Variants in PAPSS1 observed in about 807,000 individuals in gnomAD.
PAPSS1 encodes 3'-phosphoadenosine 5'-phosphosulfate synthase 1.
Under a neutral mutation model 72.0 loss-of-function variants are expected in PAPSS1, and 50 were observed. The ratio of observed to expected loss-of-function variants is 0.69; its 90% CI spans 0.55 to 0.88. PAPSS1 has a LOEUF of 0.88. Among genes scored for constraint, PAPSS1 ranks in the 40% least tolerant of loss-of-function variants. PAPSS1 has a pLI of 0.00. For missense variants in PAPSS1, 657 were observed against 782.2 expected, an observed-to-expected ratio of 0.84 and a Z score of 1.91; for synonymous variants, 261 against 263.6, an observed-to-expected ratio of 0.99 and a Z score of 0.09.
At chr4:107,688,716 T>C (rs2110340144) in intron 3 of PAPSS1, among the ~76,000 whole-genome samples, 1 of 152,240 alleles carries the variant, frequency 6.6e-6, no homozygotes, top group South Asian at 2.1e-4. Flanking sequence ...TGAGCGTTTC[T>C]CTCAAGTGCC....
intron 1 of PAPSS1, among the ~76,000 whole-genome samples, chr4:107,702,378 ACAG>A (rs1578433110): frequency 6.6e-6 from 1 of 152,228 alleles, no homozygotes; most frequent in Non-Finnish European, 1.5e-5. Flanking sequence ...ACATATGTCC[ACAG>A]CAGCATTTTC....
At chr4:107,622,808 T>C (rs1345252501) in intron 11 of PAPSS1, among the ~76,000 whole-genome samples, 1 of 152,250 alleles carries the variant, frequency 6.6e-6, no homozygotes, top group African/African-American at 2.4e-5. Context: ...AACCCTTCAC[T>C]AATTCCATCA....
In PAPSS1 at chr4:107,693,855, AT is replaced by A; in HGVS notation, c.326del (p.Asn109MetfsTer17). The A allele has an allele frequency of 6.2e-7, 1 of 1,613,940 alleles. No individual in the cohort carries two copies. Among genetic ancestry groups the A allele is most frequent in the African/African-American group, 1.3e-5 (1 of 75,036 alleles). On this transcript the variant is annotated frameshift_variant, in exon 3 of 12. Coordinates refer to ENST00000265174, the MANE Select transcript of PAPSS1 (RefSeq NM_005443.5). LOFTEE classifies it high-confidence loss of function. ...LGFSPEDREE[N>X]VRRIAEVAKL... ...TAGCAACTTCTGCGATGCGTCGAAC[AT>A]TCTCTTCTCTGTCTTCAGGACTAAA...
intron 10 of PAPSS1, among the ~76,000 whole-genome samples, chr4:107,636,192 G>A (rs550250765): frequency 1.1e-4 from 16 of 152,192 alleles, no homozygotes; most frequent in African/African-American, 2.6e-4. Context: ...GATTCATTAC[G>A]GGTTGTCAAA....
At position 107,653,632 on chromosome 4, in the gene PAPSS1, A is replaced by G. The variant is rs1462323878; in HGVS notation, c.1102-6T>C. Reference sequence around the variant, plus strand: ...TCTCCTTGTTCCATCACCATCTAATAGGAAAAACAAATTTTTTTAATGGAA... The same window carrying G: ...TCTCCTTGTTCCATCACCATCTAATGGGAAAAACAAATTTTTTTAATGGAA... On this transcript the variant is annotated splice_polypyrimidine_tract_variant and splice_region_variant and intron_variant, in intron 8 of 11. Transcript: ENST00000265174. 6.2e-7 allele frequency: 1 copy of G among 1,607,036 alleles called. No homozygotes were observed. Among genetic ancestry groups the G allele is most frequent in the East Asian group, 2.2e-5 (1 of 44,756 alleles).
intron 11 of PAPSS1, among the ~76,000 whole-genome samples, chr4:107,621,461 G>A (rs969808317): frequency 2.0e-5 from 3 of 151,862 alleles, no homozygotes; most frequent in Non-Finnish European, 2.9e-5. Flanking sequence ...AAATGCTCTC[G>A]TAATTTTTCT....
At chr4:107,707,490 CTG>C (rs1723368232) in intron 1 of PAPSS1, among the ~76,000 whole-genome samples, 1 of 152,138 alleles carries the variant, frequency 6.6e-6, no homozygotes, top group African/African-American at 2.4e-5. Context: ...ATCCTGGAGT[CTG>C]GGGCTACGGG....
chr4:107,634,222 C>T (rs1322601264), intron 10 of PAPSS1, among the ~76,000 whole-genome samples: 2 of 151,872 alleles, frequency 1.3e-5, no homozygotes, highest in African/African-American at 4.8e-5. Context: ...TGCCATGTTC[C>T]CCAGGCTAGT....
intron 11 of PAPSS1, among the ~76,000 whole-genome samples, chr4:107,617,771 G>A (rs1241798300): frequency 2.0e-5 from 3 of 152,108 alleles, no homozygotes; most frequent in African/African-American, 7.2e-5. Context: ...AAAATAAGAT[G>A]GTTTGATTCA....
intron 10 of PAPSS1, among the ~76,000 whole-genome samples, chr4:107,632,307 G>A (rs1298661576): frequency 6.6e-6 from 1 of 151,962 alleles, no homozygotes; most frequent in African/African-American, 2.4e-5. Context: ...CTGGGTGCTG[G>A]TAATTAGGGT....
intron 9 of PAPSS1, among the ~76,000 whole-genome samples, chr4:107,648,821 A>C (rs944197405): frequency 6.6e-6 from 1 of 152,098 alleles, no homozygotes; most frequent in Non-Finnish European, 1.5e-5. Context: ...AAGCAGTTTG[A>C]TCTCCCCTCC....
rs766118484 is a variant in PAPSS1, at chr4:107,720,112, C to T, written c.60+8G>A. On this transcript the variant is annotated splice_region_variant and intron_variant, in intron 1 of 11. Coordinates refer to ENST00000265174, the MANE Select transcript of PAPSS1 (RefSeq NM_005443.5). ...CTCCTCGCCGTCTCGCCTTCGTCCC[C>T]AGCTTACCCAGTTCTGCGCGTTATT... is the stretch of plus-strand genomic sequence containing the variant. 5.6e-6 allele frequency: 9 copies of T among 1,602,742 alleles called. No homozygotes were observed. The South Asian group carries it at 1.0e-4, about 18-fold the overall frequency.
chr4:107,621,777 C>T (rs961709850), intron 11 of PAPSS1, among the ~76,000 whole-genome samples: 4 of 151,410 alleles, frequency 2.6e-5, no homozygotes, highest in African/African-American at 7.3e-5. Context: ...CCTGCCACCA[C>T]GCCTGGCTAA....
intron 10 of PAPSS1, among the ~76,000 whole-genome samples, chr4:107,633,937 A>G (rs1726292875): frequency 1.3e-5 from 2 of 151,412 alleles, no homozygotes; most frequent in South Asian, 4.2e-4. Flanking sequence ...AAAAAAAAAA[A>G]GAATGGGATT....
At chr4:107,635,470 A>C (rs2110305357) in intron 10 of PAPSS1, among the ~76,000 whole-genome samples, 1 of 152,336 alleles carries the variant, frequency 6.6e-6, no homozygotes, top group East Asian at 1.9e-4. Flanking sequence ...CAAAGCCAAG[A>C]AGATGCTCAT....
chr4:107,707,420 T>C (rs1723365625), intron 1 of PAPSS1, among the ~76,000 whole-genome samples: 1 of 152,146 alleles, frequency 6.6e-6, no homozygotes, highest in Admixed American at 6.5e-5. Flanking sequence ...AGCTGGAACC[T>C]TGGGCTGCAG....
chr4:107,673,716 C>A (rs1356241116), intron 5 of PAPSS1, among the ~76,000 whole-genome samples: 1 of 151,944 alleles, frequency 6.6e-6, no homozygotes, highest in Non-Finnish European at 1.5e-5. Context: ...GATACTCCTC[C>A]AGAAGAGCAA....
chr4:107,633,704 G>A (rs1449812569), intron 10 of PAPSS1, among the ~76,000 whole-genome samples: 1 of 151,944 alleles, frequency 6.6e-6, no homozygotes, highest in Non-Finnish European at 1.5e-5. Context: ...CAGATCACGA[G>A]GTCAGGAGAT....
intron 11 of PAPSS1, among the ~76,000 whole-genome samples, chr4:107,623,975 T>C (rs189553746): frequency 9.1e-4 from 139 of 152,318 alleles, no homozygotes; most frequent in Non-Finnish European, 1.6e-3. Context: ...CCTACCTCTT[T>C]ACCAGAAACC....
Sources: allele counts gnomAD v4.1 joint callset (sites outside exome capture counted in the v4.1 genomes callset), GRCh38; gene constraint gnomAD v4.1.1; transcripts MANE v1.5; gene names NCBI Gene and HGNC (gene_info 2026-07-23, HGNC 2026-07-21).